FAM131A: variants seen among roughly 807,000 people sequenced by gnomAD.
FAM131A encodes protein FAM131A.
In FAM131A, 24 loss-of-function variants were observed where a neutral mutation model predicts 39.2. That is an observed-to-expected ratio of 0.61 (90% CI 0.44 to 0.86). The LOEUF (loss-of-function observed/expected upper bound fraction) is 0.86. Ranked by LOEUF, FAM131A falls within the 40% of genes least tolerant of loss-of-function variation. FAM131A has a pLI of 0.00. For synonymous variants in FAM131A, 202 were observed against 206.8 expected, an observed-to-expected ratio of 0.98 and a Z score of 0.20; for missense variants, 373 against 481.2, an observed-to-expected ratio of 0.78 and a Z score of 2.10.
chr3:184,341,198 G>A (rs1393550180), intron 2 of FAM131A: 4 of 167,422 alleles, frequency 2.4e-5, no homozygotes, highest in Admixed American at 1.1e-4. Context: ...GCTGAGGTTT[G>A]GAGCCAGGCT....
chr3:184,338,633 G>T, intron 2 of FAM131A, 104 bp downstream of exon 2: 1 of 1,433,844 alleles, frequency 7.0e-7, no homozygotes, highest in East Asian at 2.5e-5. Context: ...TCCCTTTTCC[G>T]GCGGGCGGAG....
At position 184,342,349 on chromosome 3, in the gene FAM131A, C is replaced by A; in HGVS notation, c.508+101C>A. On this transcript the variant is annotated intron_variant, in intron 4 of 5. Coordinates refer to ENST00000383847, the MANE Select transcript of FAM131A (RefSeq NM_144635.5). This position sits in a 1 kb window ranked among gnomAD's most constrained non-coding sequence, Gnocchi z 4.6. Reference sequence around the variant, plus strand: ...TTGAGACGGAGTCTCACTCTGTCGCCCAGGCTGGAGTGCAGTGATGCAATC... The same window carrying A: ...TTGAGACGGAGTCTCACTCTGTCGCACAGGCTGGAGTGCAGTGATGCAATC... The A allele has an allele frequency of 7.2e-7, 1 of 1,391,250 alleles. No individual in the cohort carries two copies. The highest frequency in any genetic ancestry group is 1.4e-5 in the African/African-American group (1 of 69,092). 86.2% of individuals were successfully genotyped at this position (1,391,250 alleles called of 1,614,324 possible). A position where few individuals can be genotyped will look rare whatever the true frequency, so the allele number is the denominator to read the frequency against.
At position 184,344,749 on chromosome 3, in the gene FAM131A, C is replaced by T. The variant is rs541310018; in HGVS notation, c.880C>T (p.Arg294Cys). 23 of 1,612,348 alleles carry T rather than the reference C, an allele frequency of 1.4e-5. No individual in the cohort carries two copies. In the Admixed American group the frequency reaches 1.5e-4, roughly 11 times the overall value. Residue 294 changes from arginine to cysteine, a missense_variant, in exon 6 of 6, where the codon CGC (arginine) becomes TGC (cysteine). Physicochemically the swap from Arg to Cys is radical, Grantham distance 180. Transcript: ENST00000383847. ...KLPPSRESAF[R>C]SLGPLEAQDS... ...GCCCCCCAGCCGGGAAAGTGCCTTC[C>T]GCAGCCTGGGCCCACTGGAGGCCCA...
rs899260689 is a variant in FAM131A, at chr3:184,338,708, A to T, written c.231+179A>T. 2.3e-5 allele frequency: 17 copies of T among 726,412 alleles called. No homozygotes were observed. In the African/African-American group the frequency reaches 3.0e-4, roughly 13 times the overall value. 45.0% of individuals were successfully genotyped at this position (726,412 alleles called of 1,614,324 possible). A position where few individuals can be genotyped will look rare whatever the true frequency, so the allele number is the denominator to read the frequency against. ...GGTCTGCTCTGCTCGGCGCTGTGCC[A>T]GCAGGCGGAGAGCTCGCGCCTTCCG... On this transcript the variant is annotated intron_variant, in intron 2 of 5. Coordinates refer to ENST00000383847, the MANE Select transcript of FAM131A (RefSeq NM_144635.5).
rs762853023 is a variant in FAM131A, at chr3:184,345,570, CAG to C, written c.*602_*603del. ...AAATCTTCCTCTTTTTTCCTAAAGA[CAG>C]AAGGTTTTTGGTCTGTTTTTTCAGT... On this transcript the variant is annotated 3_prime_UTR_variant, in exon 6 of 6. Transcript: ENST00000383847. 1.3e-5 allele frequency: 9 copies of C among 703,286 alleles called. No individual in the cohort carries two copies. The East Asian group carries it at 1.6e-4, about 13-fold the overall frequency. 43.6% of individuals were successfully genotyped at this position (703,286 alleles called of 1,614,324 possible).
intron 2 of FAM131A, chr3:184,339,607 T>C (rs921784100): frequency 2.0e-5 from 3 of 151,778 alleles, no homozygotes; most frequent in Admixed American, 2.0e-4. Flanking sequence ...ATTACAGGCA[T>C]GCGCTGCCAC....
Position 184,342,977 on chromosome 3 carries a change from C to A in FAM131A, c.625+117C>A. 1.2e-6 allele frequency: 1 copy of A among 863,456 alleles called. No individual in the cohort carries two copies. Among genetic ancestry groups the A allele is most frequent in the South Asian group, 1.5e-5 (1 of 65,532 alleles). The allele number at this position is 863,456 out of a possible 1,614,324, so 53.5% of individuals were successfully genotyped here. A position where few individuals can be genotyped will look rare whatever the true frequency, so the allele number is the denominator to read the frequency against. ...GCAAGGGGAGGGAGAGGGACAGACT[C>A]AGTCCAGGCAGGCCTGGACACTCCA... On this transcript the variant is annotated intron_variant, in intron 5 of 5. Coordinates refer to ENST00000383847, the MANE Select transcript of FAM131A (RefSeq NM_144635.5). This position sits in a 1 kb window ranked among gnomAD's most constrained non-coding sequence, Gnocchi z 4.6.
Position 184,344,486 on chromosome 3 carries a change from T to G in FAM131A, c.626-9T>G. The G allele has an allele frequency of 6.6e-7, 1 of 1,516,108 alleles. No individual in the cohort carries two copies. The highest frequency in any genetic ancestry group is 8.8e-7 in the Non-Finnish European group (1 of 1,133,180). 93.9% of individuals were successfully genotyped at this position (1,516,108 alleles called of 1,614,324 possible). A position where few individuals can be genotyped will look rare whatever the true frequency, so the allele number is the denominator to read the frequency against. On this transcript the variant is annotated splice_polypyrimidine_tract_variant and intron_variant, in intron 5 of 5. Coordinates refer to ENST00000383847, the MANE Select transcript of FAM131A (RefSeq NM_144635.5). ...AGCAGGACTGTCTTCTTTTCTCTTC[T>G]CCTCACAGACATGGCTGGGCAGCTG...
At chr3:184,338,687 T>G in intron 2 of FAM131A, 158 bp downstream of exon 2, 1 of 904,168 alleles carries the variant, frequency 1.1e-6, no homozygotes, top group Non-Finnish European at 1.6e-6. Flanking sequence ...CGTGCCGGTC[T>G]GCTCTGCTCG....
rs758900741 is a variant in FAM131A, at chr3:184,345,600, G to T, written c.*630G>T. 8.5e-6 allele frequency: 6 copies of T among 702,898 alleles called. No individual in the cohort carries two copies. The highest frequency in any genetic ancestry group is 2.7e-5 in the East Asian group (1 of 37,278). The allele number at this position is 702,898 out of a possible 1,614,324, so 43.5% of individuals were successfully genotyped here. On this transcript the variant is annotated 3_prime_UTR_variant, in exon 6 of 6. Transcript: ENST00000383847. Reference sequence around the variant, plus strand: ...GGTTTTTGGTCTGTTTTTTCAGTCGGATCTTCTCTTCTCTGGGAGGCTTTG... The same window carrying T: ...GGTTTTTGGTCTGTTTTTTCAGTCGTATCTTCTCTTCTCTGGGAGGCTTTG...
Position 184,342,892 on chromosome 3 carries a change from G to A in FAM131A, c.625+32G>A. The A allele has an allele frequency of 1.3e-6, 2 of 1,562,074 alleles. No individual in the cohort carries two copies. Among genetic ancestry groups the A allele is most frequent in the Non-Finnish European group, 1.8e-6 (2 of 1,134,222 alleles). Reference sequence around the variant, plus strand: ...GACATCCTGGGCTAGGGCTGTGGTGGACCCACCTGATAGACCTTGGCATTC... The same window carrying A: ...GACATCCTGGGCTAGGGCTGTGGTGAACCCACCTGATAGACCTTGGCATTC... On this transcript the variant is annotated intron_variant, in intron 5 of 5. Coordinates refer to ENST00000383847, the MANE Select transcript of FAM131A (RefSeq NM_144635.5). The surrounding 1 kb of genome is among the most constrained non-coding windows in gnomAD (Gnocchi z 4.6).
chr3:184,336,578 A>C (rs1727114551), upstream of FAM131A, among the ~76,000 whole-genome samples: 1 of 152,110 alleles, frequency 6.6e-6, no homozygotes, highest in Non-Finnish European at 1.5e-5. This position sits in a 1 kb window ranked among gnomAD's most constrained non-coding sequence, Gnocchi z 5.5. Flanking sequence ...CATCTTCTTA[A>C]AGAGGTAGCC....
chr3:184,346,054 G>A lies in FAM131A; in HGVS notation c.*1084G>A, dbSNP rs1023226024. The A allele has an allele frequency of 5.4e-6, 1 of 186,412 alleles. No homozygotes were observed. The highest frequency in any genetic ancestry group is 1.1e-5 in the Non-Finnish European group (1 of 89,030). 11.5% of individuals were successfully genotyped at this position (186,412 alleles called of 1,614,324 possible). A position where few individuals can be genotyped will look rare whatever the true frequency, so the allele number is the denominator to read the frequency against. The stretch of plus-strand genomic sequence containing the variant: ...GTAGTGGAGGCCTCTGGCAGATCCT[G>A]CATTCCAAGGTCACTGGACTGTACG... On this transcript the variant is annotated 3_prime_UTR_variant, in exon 6 of 6. Transcript: ENST00000383847. This position sits in a 1 kb window ranked among gnomAD's most constrained non-coding sequence, Gnocchi z 6.0.
chr3:184,340,520 T>C (rs919647905), intron 2 of FAM131A: 3 of 151,134 alleles, frequency 2.0e-5, no homozygotes, highest in Non-Finnish European at 4.4e-5. Context: ...AGAGACGGGG[T>C]TTCACCATGT....
intron 5 of FAM131A, 158 bp downstream of exon 5, chr3:184,343,018 T>C: frequency 1.9e-6 from 1 of 532,424 alleles, no homozygotes; most frequent in Non-Finnish European, 3.4e-6. Context: ...AGGAAGGCTG[T>C]CCACACTCAT....
Position 184,344,830 on chromosome 3 carries a change from G to C in FAM131A, c.961G>C (p.Glu321Gln), listed in dbSNP as rs745630112. 2.5e-5 allele frequency: 41 copies of C among 1,611,678 alleles called. No individual in the cohort carries two copies. The highest frequency in any genetic ancestry group is 3.5e-5 in the Non-Finnish European group (41 of 1,179,882). Residue 321 changes from glutamate to glutamine, a missense_variant, in exon 6 of 6, where the codon GAG becomes CAG. Physicochemically the swap from Glu to Gln is conservative, Grantham distance 29. Around this residue, in one of 2 missense-constraint regions of FAM131A, gnomAD observed 152 missense variants for 133.5 expected, o/e 1.14. Transcript: ENST00000383847. ...TESCLSPAEE[E>Q]PAPCKDCQPL... is the part of the protein sequence containing the mutation. ...GTCCTGCCTTTCCCCCGCGGAGGAG[G>C]AGCCAGCCCCCTGCAAGGACTGCCA...
At position 184,345,146 on chromosome 3, in the gene FAM131A, C is replaced by A. The variant is rs1202642228; in HGVS notation, c.*176C>A. The A allele has an allele frequency of 4.2e-6, 3 of 706,666 alleles. No homozygotes were observed. Among genetic ancestry groups the A allele is most frequent in the East Asian group, 5.7e-5 (2 of 35,356 alleles). The allele number at this position is 706,666 out of a possible 1,614,324, so 43.8% of individuals were successfully genotyped here. ...AAAGTGTTTGGAGAGGAGGCAGGGG[C>A]TGGGCTGGGGGCGCATGTCCTGCCC... On this transcript the variant is annotated 3_prime_UTR_variant, in exon 6 of 6. Coordinates refer to ENST00000383847, the MANE Select transcript of FAM131A (RefSeq NM_144635.5).
Position 184,344,729 on chromosome 3 carries a change from C to G in FAM131A, c.860C>G (p.Pro287Arg). Residue 287 changes from proline to arginine, a missense_variant, in exon 6 of 6, where the codon CCC becomes CGC. Physicochemically the swap from Pro to Arg is moderately radical, Grantham distance 103. This residue lies in a region of FAM131A where 152 missense variants were observed against 133.5 expected (regional missense o/e 1.14). Coordinates refer to ENST00000383847, the MANE Select transcript of FAM131A (RefSeq NM_144635.5). ...GDELLLAKLP[P>R]SRESAFRSLG... is the part of the protein sequence containing the mutation. The stretch of plus-strand genomic sequence containing the variant: ...GAGCTGCTTCTCGCCAAACTGCCCC[C>G]CAGCCGGGAAAGTGCCTTCCGCAGC... 1.2e-6 allele frequency: 2 copies of G among 1,612,444 alleles called. No homozygotes were observed. The highest frequency in any genetic ancestry group is 1.7e-6 in the Non-Finnish European group (2 of 1,179,998).
rs751900905 is a variant in FAM131A, at chr3:184,344,726, C to T, written c.857C>T (p.Pro286Leu). ...GATGAGCTGCTTCTCGCCAAACTGC[C>T]CCCCAGCCGGGAAAGTGCCTTCCGC... is the stretch of plus-strand genomic sequence containing the variant. ...LGDELLLAKL[P>L]PSRESAFRSL... Residue 286 changes from proline (P) to leucine (L), a missense_variant, in exon 6 of 6, where the codon CCC becomes CTC. By Grantham distance (98) the Pro-to-Leu change is moderately conservative. Around this residue, in one of 2 missense-constraint regions of FAM131A, gnomAD observed 152 missense variants for 133.5 expected, o/e 1.14. Transcript: ENST00000383847. 3 of 1,612,402 alleles carry T rather than the reference C, an allele frequency of 1.9e-6. No individual in the cohort carries two copies. Among genetic ancestry groups the T allele is most frequent in the Non-Finnish European group, 2.5e-6 (3 of 1,179,984 alleles).
Sources: allele counts gnomAD v4.1 joint callset (sites outside exome capture counted in the v4.1 genomes callset), GRCh38; gene constraint gnomAD v4.1.1; regional missense constraint gnomAD v4.1.1; non-coding constraint Gnocchi (gnomAD v3.1); transcripts MANE v1.5; gene names NCBI Gene and HGNC (gene_info 2026-07-23, HGNC 2026-07-21).